Variants in SEC22A observed in about 807,000 individuals in gnomAD.
SEC22A encodes SEC22 homolog A, vesicle trafficking protein.
A neutral mutation model predicts 35.3 loss-of-function variants in SEC22A; 22 were observed. The observed-to-expected ratio is 0.62, with a 90% CI of 0.45 to 0.89. The LOEUF is 0.89. SEC22A is among the 40% of genes least tolerant of loss of function. The pLI is 0.00. For missense variants in SEC22A, 354 were observed against 362.5 expected (o/e 0.98, Z 0.19); for synonymous variants, 119 against 129.5 (o/e 0.92, Z 0.55).
At chr3:123,226,532 T>C (rs1354334283) in intron 4 of SEC22A, among the ~76,000 whole-genome samples, 1 of 152,242 alleles carries the variant, frequency 6.6e-6, no homozygotes, top group East Asian at 1.9e-4. Context: ...GCCCATTTTT[T>C]AATTGGCTTG....
At chr3:123,233,157 A>T (rs1324068061) in intron 4 of SEC22A, among the ~76,000 whole-genome samples, 1 of 152,184 alleles carries the variant, frequency 6.6e-6, no homozygotes, top group African/African-American at 2.4e-5. Context: ...GTTATGTGCT[A>T]CATAACAACA....
At position 123,273,612 on chromosome 3, in the gene SEC22A, A is replaced by C. The variant is rs1323269261; in HGVS notation, c.*1890A>C. 1 of 152,162 alleles carries C rather than the reference A, an allele frequency of 6.6e-6. No individual in the cohort carries two copies. The highest frequency in any genetic ancestry group is 1.5e-5 in the Non-Finnish European group (1 of 68,046). 9.4% of individuals were successfully genotyped at this position (152,162 alleles called of 1,614,324 possible). A position where few individuals can be genotyped will look rare whatever the true frequency, so the allele number is the denominator to read the frequency against. ...ACTTGAGACCAGTAGTTTGAGAATC[A>C]GCCTGGCCAACGTGGTGAAACCTCA... On this transcript the variant is annotated 3_prime_UTR_variant, in exon 7 of 7. Transcript: ENST00000492595.
intron 6 of SEC22A, among the ~76,000 whole-genome samples, chr3:123,270,256 T>C (rs911071334): frequency 1.3e-5 from 2 of 151,398 alleles, no homozygotes; most frequent in Non-Finnish European, 2.9e-5. Context: ...TTTTTCTATT[T>C]TTTCAGTCTT....
intron 4 of SEC22A, among the ~76,000 whole-genome samples, chr3:123,242,605 C>G (rs1228739718): frequency 6.6e-6 from 1 of 151,894 alleles, no homozygotes; most frequent in Non-Finnish European, 1.5e-5. Context: ...TTCAGTCAGT[C>G]TTTTGCAGTG....
At chr3:123,232,364 C>A (rs747362414) in intron 4 of SEC22A, among the ~76,000 whole-genome samples, 2 of 152,066 alleles carry the variant, frequency 1.3e-5, no homozygotes, top group African/African-American at 4.8e-5. Context: ...TGGATAAATT[C>A]CTAGAAAAAC....
At chr3:123,215,558 A>C (rs1439855356) in intron 2 of SEC22A, among the ~76,000 whole-genome samples, 1 of 152,166 alleles carries the variant, frequency 6.6e-6, no homozygotes, top group Non-Finnish European at 1.5e-5. Flanking sequence ...AAAGGGAAAG[A>C]GGGAAGGGAT....
intron 4 of SEC22A, among the ~76,000 whole-genome samples, chr3:123,233,714 C>A (rs9846636): frequency 1.3e-5 from 2 of 151,734 alleles, no homozygotes; most frequent in African/African-American, 4.8e-5. Context: ...GATAAAAGTC[C>A]CTTATGGAAA....
At chr3:123,230,895 A>C (rs888361431) in intron 4 of SEC22A, among the ~76,000 whole-genome samples, 2 of 152,098 alleles carry the variant, frequency 1.3e-5, no homozygotes, top group African/African-American at 4.8e-5. Flanking sequence ...TAAAAATAAA[A>C]ACACAAGATG....
chr3:123,212,058 A>G (rs1463369923), intron 2 of SEC22A, among the ~76,000 whole-genome samples: 1 of 152,128 alleles, frequency 6.6e-6, no homozygotes, highest in Non-Finnish European at 1.5e-5. Context: ...GTCTCAAAAA[A>G]TATATATAAA....
chr3:123,245,967 G>A lies in SEC22A; in HGVS notation c.610G>A (p.Ala204Thr). The A allele has an allele frequency of 6.2e-7, 1 of 1,613,360 alleles. No individual in the cohort carries two copies. The highest frequency in any genetic ancestry group is 1.1e-5 in the South Asian group (1 of 91,034). The change falls in exon 5 of 7, where the codon GCT becomes ACT. Residue 204 changes from alanine (A) to threonine (T), a missense_variant. Transcript: ENST00000492595. ...ATTTATCCTTAGTCTTTTATGTGGA[G>A]CTCTGAATTTAATTCGAGGCTTTCA... ...VGFILSLLCG[A>T]LNLIRGFHAI...
chr3:123,205,209 C>G (rs979446225), intron 1 of SEC22A, among the ~76,000 whole-genome samples: 1 of 152,172 alleles, frequency 6.6e-6, no homozygotes, highest in Admixed American at 6.5e-5. Flanking sequence ...CCCCGTTTGT[C>G]AGGCTTAAAT....
At chr3:123,214,080 A>G (rs1159893538) in intron 2 of SEC22A, among the ~76,000 whole-genome samples, 1 of 152,198 alleles carries the variant, frequency 6.6e-6, no homozygotes, top group East Asian at 1.9e-4. Context: ...CTCTAATCCA[A>G]GCTACTCAGG....
chr3:123,217,114 C>T (rs1256340385), intron 2 of SEC22A, among the ~76,000 whole-genome samples: 10 of 152,150 alleles, frequency 6.6e-5, no homozygotes, highest in Admixed American at 6.5e-4. Context: ...CAGGTGTGAG[C>T]CGCTGCACCT....
intron 1 of SEC22A, among the ~76,000 whole-genome samples, chr3:123,206,642 G>T (rs1936859130): frequency 6.6e-6 from 1 of 152,002 alleles, no homozygotes; most frequent in Non-Finnish European, 1.5e-5. Flanking sequence ...TCTCTTCAGG[G>T]ATCCCAACTT....
Position 123,203,062 on chromosome 3 carries a change from T to C in SEC22A, c.-20+1076T>C, listed in dbSNP as rs1408450484. Among the ~76,000 whole-genome samples, 53 of 118,558 alleles carry C rather than the reference T, an allele frequency of 4.5e-4. 3 individuals carry two copies. The highest frequency in any genetic ancestry group is 1.9e-3 in the South Asian group (6 of 3,232). 77.8% of individuals were successfully genotyped at this position (118,558 alleles called of 152,430 possible). A position where few individuals can be genotyped will look rare whatever the true frequency, so the allele number is the denominator to read the frequency against. ...CACATCTGTTTAGTGCCTTTTTTTT[T>C]TTTTTTTTTTTTTTTTTTTTTTTTT... On this transcript the variant is annotated intron_variant, in intron 1 of 6. Transcript: ENST00000492595.
At chr3:123,269,215 G>GTGTGTGTGTGTGTGTGTGTATA (rs10642998) in intron 6 of SEC22A, among the ~76,000 whole-genome samples, 108 of 136,880 alleles carry the variant, frequency 7.9e-4, no homozygotes, top group Non-Finnish European at 1.2e-3. Flanking sequence ...GTGTGTGTGT[G>GTGTGTGTGTGTGTGTGTGTATA]TATATATTAC....
chr3:123,230,517 C>A, intron 4 of SEC22A, among the ~76,000 whole-genome samples: 1 of 150,782 alleles, frequency 6.6e-6, no homozygotes. Context: ...ACAGCAATAC[C>A]ACAAAAAGGA....
chr3:123,210,004 T>C (rs930683679), intron 2 of SEC22A, among the ~76,000 whole-genome samples: 5 of 152,172 alleles, frequency 3.3e-5, no homozygotes, highest in African/African-American at 1.2e-4. Context: ...CCAGTGATCC[T>C]GAAGAATTAT....
At chr3:123,243,206 G>A (rs1937539643) in intron 4 of SEC22A, among the ~76,000 whole-genome samples, 1 of 125,314 alleles carries the variant, frequency 8.0e-6, no homozygotes, top group African/African-American at 3.0e-5. Flanking sequence ...GTGCCCATGA[G>A]CAAATTATTT....
Sources: allele counts gnomAD v4.1 joint callset (sites outside exome capture counted in the v4.1 genomes callset), GRCh38; gene constraint gnomAD v4.1.1; transcripts MANE v1.5; gene names NCBI Gene and HGNC (gene_info 2026-07-23, HGNC 2026-07-21).